The following TRPM3 variants were observed in gnomAD, a reference collection of about 807,000 sequenced individuals.
TRPM3 encodes the protein long transient receptor potential channel 3.
A neutral mutation model predicts 181.2 loss-of-function variants in TRPM3; 77 were observed. The ratio of observed to expected loss-of-function variants is 0.42; its 90% CI spans 0.35 to 0.51. The LOEUF (loss-of-function observed/expected upper bound fraction) is 0.51, where lower values mean the gene tolerates loss of function less well. TRPM3 is among the 20% of genes least tolerant of loss of function. The pLI, the probability that TRPM3 is intolerant of heterozygous loss-of-function variation, is 0.01. For synonymous variants in TRPM3, 745 were observed against 796.4 expected, an observed-to-expected ratio of 0.94 and a Z score of 1.09; for missense variants, 1,759 against 2,196.7, an observed-to-expected ratio of 0.80 and a Z score of 3.98.
At chr9:71,356,356 G>T (rs1240111785) in intron 1 of TRPM3, among the ~76,000 whole-genome samples, 1 of 151,926 alleles carries the variant, frequency 6.6e-6, no homozygotes, top group East Asian at 1.9e-4. Flanking sequence ...AGTGTGTGTT[G>T]TTTCCCTGTA....
At chr9:70,762,695 GATTA>G (rs1423450766) in intron 7 of TRPM3, among the ~76,000 whole-genome samples, 1 of 152,190 alleles carries the variant, frequency 6.6e-6, no homozygotes, top group Non-Finnish European at 1.5e-5. Flanking sequence ...CTCAGTTGCT[GATTA>G]CAGGAACTCT....
Position 70,698,170 on chromosome 9 carries a change from C to T in TRPM3, c.1273-16592G>A, listed in dbSNP as rs758415324. ...TTGCAGTGAGCTGAGATCGCATCACCGCACTCCAGCTTGGGTGACAGAGCG... is the reference window on the plus strand; with the variant it reads ...TTGCAGTGAGCTGAGATCGCATCACTGCACTCCAGCTTGGGTGACAGAGCG... On this transcript the variant is annotated intron_variant, in intron 8 of 25. Coordinates refer to ENST00000677713, the MANE Select transcript of TRPM3 (RefSeq NM_001366145.2). Among the ~76,000 whole-genome samples, 31 of 149,948 alleles carry T rather than the reference C, an allele frequency of 2.1e-4. 1 individual carries two copies. The highest frequency in any genetic ancestry group is 2.0e-4 in the East Asian group (1 of 5,058).
chr9:71,203,885 T>C (rs2078953493), intron 1 of TRPM3, among the ~76,000 whole-genome samples: 1 of 152,164 alleles, frequency 6.6e-6, no homozygotes, highest in Non-Finnish European at 1.5e-5. Context: ...CAGTGCCACA[T>C]ATAGTAGTAC....
At chr9:70,632,582 G>A (rs938532765) in intron 12 of TRPM3, among the ~76,000 whole-genome samples, 2 of 152,064 alleles carry the variant, frequency 1.3e-5, no homozygotes, top group Non-Finnish European at 2.9e-5. Context: ...CAGGTAAAAG[G>A]ATAAATTATT....
rs116926334 is a variant in TRPM3, at chr9:70,999,392, C to T, written c.177+121786G>A. The stretch of plus-strand genomic sequence containing the variant: ...ATTCTTAGAATTTACTAGGACAGGG[C>T]ACAGCTGTACCTGGGCCTGAACGTG... On this transcript the variant is annotated intron_variant, in intron 1 of 25. Transcript: ENST00000677713. Among the ~76,000 whole-genome samples, 756 of 152,268 alleles carry T rather than the reference C, an allele frequency of 5.0e-3. 19 individuals carry two copies. The East Asian group carries it at 0.078, about 16-fold the overall frequency.
intron 1 of TRPM3, among the ~76,000 whole-genome samples, chr9:70,915,381 T>A (rs2096581845): frequency 6.6e-6 from 1 of 151,942 alleles, no homozygotes. Context: ...CACTGCAAGC[T>A]TCACCTCCTG....
chr9:71,008,592 C>T (rs1397756414), intron 1 of TRPM3, among the ~76,000 whole-genome samples: 4 of 152,100 alleles, frequency 2.6e-5, no homozygotes, highest in Non-Finnish European at 5.9e-5. Context: ...CTTGTAATTC[C>T]AGCACTTTGA....
At chr9:70,831,681 G>A (rs1465273629) in intron 5 of TRPM3, among the ~76,000 whole-genome samples, 1 of 151,692 alleles carries the variant, frequency 6.6e-6, no homozygotes, top group Non-Finnish European at 1.5e-5. Context: ...GCTGAATGGT[G>A]TCTGAAAGGG....
At chr9:70,838,064 A>G (rs558111251) in intron 5 of TRPM3, among the ~76,000 whole-genome samples, 2 of 152,340 alleles carry the variant, frequency 1.3e-5, no homozygotes, top group East Asian at 3.9e-4. Context: ...TTATGCTCAT[A>G]GAAGTTGTAT....
intron 1 of TRPM3, among the ~76,000 whole-genome samples, chr9:71,010,960 CAT>C (rs1491239048): frequency 1.2e-4 from 16 of 138,640 alleles, no homozygotes; most frequent in African/African-American, 3.9e-4. Context: ...CACACACACA[CAT>C]AAATAGTATT....
At chr9:70,699,380 G>T (rs1272700035) in intron 8 of TRPM3, among the ~76,000 whole-genome samples, 2 of 152,162 alleles carry the variant, frequency 1.3e-5, no homozygotes, top group Admixed American at 1.3e-4. Flanking sequence ...GCAGGAAGAA[G>T]AAAATGGTAA....
chr9:71,377,932 G>A (rs577439016), intron 1 of TRPM3, among the ~76,000 whole-genome samples: 5 of 152,060 alleles, frequency 3.3e-5, no homozygotes, highest in Admixed American at 1.3e-4. Flanking sequence ...TTGCTATGTA[G>A]TATTTGATTA....
At chr9:70,584,875 G>A (rs114430591) in intron 22 of TRPM3, among the ~76,000 whole-genome samples, 2,250 of 152,244 alleles carry the variant, frequency 0.015, 64 homozygotes, top group African/African-American at 0.051. Flanking sequence ...CTCAATCTTG[G>A]ATTAATCCAG....
chr9:71,439,805 T>C (rs911684638), intron 1 of TRPM3, among the ~76,000 whole-genome samples: 7 of 152,062 alleles, frequency 4.6e-5, no homozygotes, highest in African/African-American at 1.7e-4. Context: ...GAGACTAAGT[T>C]TTAAAAAAAT....
Position 70,815,159 on chromosome 9 carries a change from T to C in TRPM3, c.973+12688A>G, listed in dbSNP as rs1188964420. On this transcript the variant is annotated intron_variant, in intron 6 of 25. Transcript: ENST00000677713. ...TTATACTGAACATACAGTTGTACTA[T>C]GTACAACTTTTAACTTGAGAAAAGA... 2.6e-5 allele frequency among the ~76,000 whole-genome samples: 4 copies of C among 152,110 alleles called. No individual in the cohort carries two copies. The East Asian group carries it at 7.7e-4, about 29-fold the overall frequency.
chr9:70,828,824 G>C (rs749251525), intron 5 of TRPM3, among the ~76,000 whole-genome samples: 1 of 151,576 alleles, frequency 6.6e-6, no homozygotes, highest in Admixed American at 6.6e-5. Context: ...TTTTGTAGGC[G>C]AAGAAACTAA....
chr9:70,777,526 T>C (rs938642286), intron 7 of TRPM3, among the ~76,000 whole-genome samples: 1 of 152,152 alleles, frequency 6.6e-6, no homozygotes, highest in South Asian at 2.1e-4. Flanking sequence ...GGAGCTACTC[T>C]AGCCTTATAG....
In TRPM3 at chr9:71,149,169, G is replaced by A. The variant is rs1195585083; in HGVS notation, c.184-284658C>T. Reference sequence around the variant, plus strand: ...AATCCCAGCACTCTGGCAGGCCAAGGTGGGAAGATCACCGTAGCCCAGGAG... The same window carrying A: ...AATCCCAGCACTCTGGCAGGCCAAGATGGGAAGATCACCGTAGCCCAGGAG... On this transcript the variant is annotated intron_variant, in intron 1 of 24. Transcript: ENST00000357533. Among the ~76,000 whole-genome samples, 8 of 152,170 alleles carry A rather than the reference G, an allele frequency of 5.3e-5. No homozygotes were observed. The South Asian group carries it at 1.5e-3, about 28-fold the overall frequency.
chr9:71,283,529 C>T (rs2085026802), intron 1 of TRPM3, among the ~76,000 whole-genome samples: 1 of 152,172 alleles, frequency 6.6e-6, no homozygotes, highest in African/African-American at 2.4e-5. Context: ...TGGTCTCAAT[C>T]TCCTGACCTC....
Sources: allele counts gnomAD v4.1 joint callset (sites outside exome capture counted in the v4.1 genomes callset), GRCh38; gene constraint gnomAD v4.1.1; transcripts MANE v1.5; gene names NCBI Gene and HGNC (gene_info 2026-07-23, HGNC 2026-07-21).